The following PDE10A variants were observed in gnomAD, a reference collection of about 807,000 sequenced individuals.
The protein encoded by PDE10A is cAMP and cAMP-inhibited cGMP 3',5'-cyclic phosphodiesterase 10A.
Under a neutral mutation model 97.7 loss-of-function variants are expected in PDE10A, and 39 were observed. The ratio of observed to expected loss-of-function variants is 0.40; its 90% CI spans 0.31 to 0.52. The LOEUF (loss-of-function observed/expected upper bound fraction) is 0.52. PDE10A is among the 20% of genes least tolerant of loss of function. PDE10A has a pLI of 0.56. For missense variants in PDE10A, 731 were observed against 1,047.8 expected, an observed-to-expected ratio of 0.70 and a Z score of 4.17; for synonymous variants, 371 against 376.8, an observed-to-expected ratio of 0.98 and a Z score of 0.18.
At chr6:165,636,737 A>C (rs1417770300) in intron 1 of PDE10A, among the ~76,000 whole-genome samples, 1 of 152,192 alleles carries the variant, frequency 6.6e-6, no homozygotes, top group Non-Finnish European at 1.5e-5. Flanking sequence ...GTGAAGTACT[A>C]ATTGGAGGTG....
chr6:165,959,046 A>G (rs1416908718), intron 1 of PDE10A, among the ~76,000 whole-genome samples: 2 of 152,210 alleles, frequency 1.3e-5, no homozygotes, highest in Non-Finnish European at 2.9e-5. Flanking sequence ...TGAGAACTGG[A>G]CCAGCAGCAA....
intron 1 of PDE10A, among the ~76,000 whole-genome samples, chr6:165,544,474 G>A (rs1270324282): frequency 6.6e-6 from 1 of 151,694 alleles, no homozygotes; most frequent in Non-Finnish European, 1.5e-5. Flanking sequence ...AACACAAACA[G>A]GCTTTGAATA....
In PDE10A at chr6:165,491,881, C is replaced by A. The variant is rs1282347296; in HGVS notation, c.995-9538G>T. Among the ~76,000 whole-genome samples, 6 of 150,070 alleles carry A rather than the reference C, an allele frequency of 4.0e-5. No individual in the cohort carries two copies. In the South Asian group the frequency reaches 1.0e-3, roughly 26 times the overall value. On this transcript the variant is annotated intron_variant, in intron 2 of 21. Coordinates refer to ENST00000539869, the MANE Select transcript of PDE10A (RefSeq NM_001385079.1). ...AGATCAGAGCAGAACTAAATGAAAT[C>A]GAAACAAAAAAACAAATACAAAGAT...
At chr6:165,725,445 C>T (rs1304562093) in intron 1 of PDE10A, among the ~76,000 whole-genome samples, 1 of 152,192 alleles carries the variant, frequency 6.6e-6, no homozygotes, top group African/African-American at 2.4e-5. Context: ...CTGCATGCTC[C>T]CCCTAGGGGT....
At chr6:165,708,809 A>G (rs115798334) in intron 1 of PDE10A, among the ~76,000 whole-genome samples, 531 of 22,590 alleles carry the variant, frequency 0.024, 35 homozygotes, top group African/African-American at 0.099. Context: ...CTCTCCCCAC[A>G]CTCTCCACCC....
At chr6:165,905,882 T>C (rs987688251) in intron 1 of PDE10A, among the ~76,000 whole-genome samples, 7 of 152,104 alleles carry the variant, frequency 4.6e-5, no homozygotes, top group East Asian at 3.9e-4. Flanking sequence ...AATCTAGTCA[T>C]AAAAGTAATA....
At chr6:165,888,296 CT>C (rs10708803) in intron 1 of PDE10A, among the ~76,000 whole-genome samples, 37,313 of 148,064 alleles carry the variant, frequency 0.25, 5,477 homozygotes, top group African/African-American at 0.41. Flanking sequence ...CTTTTCTTTT[CT>C]TTTTTTTTTA....
chr6:165,701,777 G>A (rs568493053), intron 1 of PDE10A, among the ~76,000 whole-genome samples: 1,606 of 150,468 alleles, frequency 0.011, 34 homozygotes, highest in African/African-American at 0.037. Context: ...GTATGTTTGC[G>A]TGTGTGTGTG....
intron 1 of PDE10A, among the ~76,000 whole-genome samples, chr6:165,927,655 TATATATATATATATATATATATA>T (rs1163375568): frequency 6.2e-5 from 7 of 113,376 alleles, no homozygotes; most frequent in Non-Finnish European, 1.3e-4. Context: ...GACATATATA[TATATATATATATATATATATATA>T]GTTTTTTGTT....
chr6:165,703,637 T>G (rs1791634181), intron 1 of PDE10A, among the ~76,000 whole-genome samples: 2 of 152,222 alleles, frequency 1.3e-5, no homozygotes, highest in African/African-American at 4.8e-5. Flanking sequence ...ACCTACACAT[T>G]TGAATGTTCA....
In PDE10A at chr6:165,388,433, C is replaced by A. The variant is rs140098147; in HGVS notation, c.2475G>T (p.Ala825=). Residue 825 remains alanine (A), a synonymous_variant, in exon 17 of 22, where the codon GCG becomes GCT. Transcript: ENST00000539869. The surrounding 1 kb of genome is among the most constrained non-coding windows in gnomAD (Gnocchi z 4.0). ...TDLERKGLLI[A]CLCHDLDHRG... ...TGTGGTCCAGGTCATGACACAGACA[C>A]GCAATCAGCAGTCCTTTGCGCTTTA... 4.3e-6 allele frequency: 7 copies of A among 1,613,960 alleles called. No homozygotes were observed. Among genetic ancestry groups the A allele is most frequent in the Non-Finnish European group, 5.9e-6 (7 of 1,179,998 alleles).
At chr6:165,574,745 C>A (rs771442914) in intron 1 of PDE10A, among the ~76,000 whole-genome samples, 9 of 152,152 alleles carry the variant, frequency 5.9e-5, no homozygotes, top group Non-Finnish European at 1.3e-4. Flanking sequence ...TGATTTACAA[C>A]TATCTCAAAC....
intron 1 of PDE10A, among the ~76,000 whole-genome samples, chr6:165,631,074 C>A (rs1788607168): frequency 6.6e-6 from 1 of 152,164 alleles, no homozygotes; most frequent in Non-Finnish European, 1.5e-5. Context: ...CAGCTATTTT[C>A]TTTTCATAAA....
intron 1 of PDE10A, among the ~76,000 whole-genome samples, chr6:165,898,955 C>T (rs1455932466): frequency 6.6e-6 from 1 of 152,188 alleles, no homozygotes; most frequent in Non-Finnish European, 1.5e-5. Context: ...TCTCAAAAGT[C>T]ATCTGATCCA....
chr6:165,962,039 A>G (rs1784377585), intron 1 of PDE10A, among the ~76,000 whole-genome samples: 2 of 152,222 alleles, frequency 1.3e-5, no homozygotes, highest in African/African-American at 4.8e-5. Flanking sequence ...ATGATAGTCC[A>G]AGGTGGATAG....
chr6:165,543,155 A>T (rs989389690), intron 2 of PDE10A, among the ~76,000 whole-genome samples: 10 of 152,340 alleles, frequency 6.6e-5, no homozygotes, highest in Admixed American at 4.6e-4. Context: ...CCTTAAATAA[A>T]ATCAATTATA....
chr6:165,766,771 CAA>C (rs1583059100), intron 1 of PDE10A, among the ~76,000 whole-genome samples: 1 of 152,146 alleles, frequency 6.6e-6, no homozygotes, highest in Non-Finnish European at 1.5e-5. Context: ...AAGAAAAATG[CAA>C]AGACAGTGGC....
chr6:165,478,303 A>G (rs1337008982), intron 3 of PDE10A, among the ~76,000 whole-genome samples: 2 of 152,082 alleles, frequency 1.3e-5, no homozygotes, highest in Non-Finnish European at 2.9e-5. Flanking sequence ...TACAACTACA[A>G]ACCAAAAATA....
At chr6:165,533,139 T>C (rs1013870038) in intron 2 of PDE10A, among the ~76,000 whole-genome samples, 2 of 152,228 alleles carry the variant, frequency 1.3e-5, no homozygotes, top group African/African-American at 2.4e-5. Flanking sequence ...TTCAAATATA[T>C]AGTCACAAAA....
Sources: allele counts gnomAD v4.1 joint callset (sites outside exome capture counted in the v4.1 genomes callset), GRCh38; gene constraint gnomAD v4.1.1; non-coding constraint Gnocchi (gnomAD v3.1); transcripts MANE v1.5; gene names NCBI Gene and HGNC (gene_info 2026-07-23, HGNC 2026-07-21).